Variants in POLA1 observed in about 807,000 individuals in gnomAD.
The protein encoded by POLA1 is DNA polymerase alpha catalytic subunit.
POLA1 carries 15 observed loss-of-function variants against 124.0 expected under a neutral mutation model. That is an observed-to-expected ratio of 0.12 (90% confidence interval 0.08 to 0.19). The LOEUF (loss-of-function observed/expected upper bound fraction) is 0.19. Among genes scored for constraint, POLA1 ranks in the 10% least tolerant of loss-of-function variants. The pLI, the probability that POLA1 is intolerant of heterozygous loss-of-function variation, is 1.00. For missense variants in POLA1, 886 were observed against 1,103.4 expected, an observed-to-expected ratio of 0.80 and a Z score of 2.79; for synonymous variants, 408 against 389.4, an observed-to-expected ratio of 1.05 and a Z score of -0.56.
At chrX:24,971,554 T>C (rs1368998824) in intron 36 of POLA1, among the ~76,000 whole-genome samples, 1 of 112,064 alleles carries the variant, frequency 8.9e-6, no homozygotes, top group Non-Finnish European at 1.9e-5. Flanking sequence ...TTAAGAGTTA[T>C]TTGCCTCACA....
chrX:24,721,143 G>A lies in POLA1; in HGVS notation c.1088-2012G>A, dbSNP rs11573333. Among the ~76,000 whole-genome samples the A allele has an allele frequency of 4.3e-4, 49 of 113,105 alleles. No individual in the cohort carries two copies. The South Asian group carries it at 0.017, about 39-fold the overall frequency. On this transcript the variant is annotated intron_variant, in intron 10 of 36. Transcript: ENST00000379068. Reference sequence around the variant, plus strand: ...TTCAACCAATATTGGAAAATATTTTGCAATTGAAAGAGATACTAATTTGTT... The same window carrying A: ...TTCAACCAATATTGGAAAATATTTTACAATTGAAAGAGATACTAATTTGTT...
chrX:24,981,326 A>C (rs1377689768), intron 36 of POLA1, among the ~76,000 whole-genome samples: 2 of 112,055 alleles, frequency 1.8e-5, no homozygotes, highest in Non-Finnish European at 3.8e-5. Context: ...CAAAGTCAGG[A>C]AGGGATCCCA....
chrX:24,837,636 T>C (rs1284306468), intron 32 of POLA1, among the ~76,000 whole-genome samples: 3 of 111,962 alleles, frequency 2.7e-5, no homozygotes, highest in Non-Finnish European at 5.6e-5. Flanking sequence ...TCGCATATTG[T>C]CCTCTAAGAT....
Position 24,714,568 on chromosome X carries a change from G to A in POLA1, c.361G>A (p.Ala121Thr), listed in dbSNP as rs141903278. ...DADEKGKDGK[A>T]RNKDKRNVKK... ...TATTCCAATAGGAAAAGATGGTAAA[G>A]CACGCAATAAAGACAAGAGGAATGT... The change falls in exon 5 of 37, where the codon GCA becomes ACA. Residue 121 changes from alanine to threonine, a missense_variant. Around this residue, in one of 7 missense-constraint regions of POLA1, gnomAD observed 337 missense variants for 402.8 expected, o/e 0.84. Transcript: ENST00000379068. 34 of 1,178,029 alleles carry A rather than the reference G, an allele frequency of 2.9e-5. No homozygotes were observed. The highest frequency in any genetic ancestry group is 1.1e-4 in the Admixed American group (5 of 44,473).
chrX:24,857,061 C>A (rs748250660), intron 34 of POLA1, among the ~76,000 whole-genome samples: 81 of 111,660 alleles, frequency 7.3e-4, no homozygotes, highest in Non-Finnish European at 1.1e-3. Context: ...ACTAAGAACT[C>A]AAATATTATC....
intron 35 of POLA1, among the ~76,000 whole-genome samples, chrX:24,909,712 A>C (rs1395989885): frequency 9.0e-6 from 1 of 111,492 alleles, no homozygotes; most frequent in Non-Finnish European, 1.9e-5. Context: ...TTGACTTGGC[A>C]GTGCAGGCTC....
At chrX:24,883,143 T>C (rs958553805) in intron 34 of POLA1, among the ~76,000 whole-genome samples, 1 of 112,341 alleles carries the variant, frequency 8.9e-6, no homozygotes, top group Non-Finnish European at 1.9e-5. Context: ...TGCTTATATG[T>C]CTTTTGAGAA....
At chrX:24,803,998 C>A (rs1489264537) in intron 26 of POLA1, among the ~76,000 whole-genome samples, 1 of 90,381 alleles carries the variant, frequency 1.1e-5, no homozygotes, top group East Asian at 3.7e-4. Context: ...CTTTGCAAAG[C>A]ACTTTTTAAG....
chrX:24,885,391 C>G (rs1292387784), intron 34 of POLA1, among the ~76,000 whole-genome samples: 1 of 111,871 alleles, frequency 8.9e-6, no homozygotes, highest in African/African-American at 3.2e-5. Context: ...TTCAAGAAAA[C>G]AACTAGTCTT....
intron 35 of POLA1, among the ~76,000 whole-genome samples, chrX:24,921,659 C>A (rs375991909): frequency 8.9e-6 from 1 of 112,131 alleles, no homozygotes; most frequent in Non-Finnish European, 1.9e-5. Flanking sequence ...ACTTACCCTA[C>A]GTTTCCATAT....
intron 35 of POLA1, among the ~76,000 whole-genome samples, chrX:24,923,348 G>A (rs985403297): frequency 3.6e-5 from 4 of 111,660 alleles, no homozygotes; most frequent in Non-Finnish European, 7.5e-5. Flanking sequence ...ATAATAATTA[G>A]GTTTTAATTA....
intron 28 of POLA1, among the ~76,000 whole-genome samples, chrX:24,811,265 T>G (rs1425806808): frequency 9.6e-6 from 1 of 103,696 alleles, no homozygotes; most frequent in African/African-American, 3.6e-5. Flanking sequence ...TTTTTTTTCG[T>G]CTTGTTTTGT....
intron 36 of POLA1, among the ~76,000 whole-genome samples, chrX:24,975,448 C>G (rs1156943964): frequency 2.9e-5 from 3 of 102,416 alleles, no homozygotes; most frequent in Non-Finnish European, 6.0e-5. Context: ...ATAGCTATAT[C>G]TTTCAAAACA....
intron 34 of POLA1, among the ~76,000 whole-genome samples, chrX:24,873,965 A>C (rs1181648410): frequency 8.9e-6 from 1 of 111,814 alleles, no homozygotes; most frequent in Non-Finnish European, 1.9e-5. Flanking sequence ...GTCTAGCCAT[A>C]TTTCAAGTGC....
At chrX:24,975,651 T>C (rs1474775104) in intron 36 of POLA1, among the ~76,000 whole-genome samples, 3 of 112,157 alleles carry the variant, frequency 2.7e-5, no homozygotes, top group Non-Finnish European at 5.6e-5. Context: ...AAGCCAGTAA[T>C]GTCTTCGTAT....
chrX:24,860,499 C>T (rs1202841320), intron 34 of POLA1, among the ~76,000 whole-genome samples: 1 of 112,831 alleles, frequency 8.9e-6, no homozygotes, highest in Admixed American at 9.3e-5. Context: ...TTCAGGGAAC[C>T]TGTCCCCTTT....
chrX:24,694,035 G>A (rs758222986), intron 1 of POLA1, 31 bp downstream of exon 1: 31 of 1,142,498 alleles, frequency 2.7e-5, no homozygotes, highest in Middle Eastern at 2.4e-4. Flanking sequence ...CGGGGCTCCG[G>A]GTTGGGACAG....
rs779279752 is a variant in POLA1 at position 24,874,596 on chromosome X, CAA to C, written c.4048-13409_4048-13408del. On this transcript the variant is annotated intron_variant, in intron 34 of 36. Coordinates refer to ENST00000379068, the MANE Select transcript of POLA1 (RefSeq NM_001330360.2). ...ATAATCACCGGTAGTTCTTTTTGAA[CAA>C]GAGAGAGAATGAGAATAATAAGGTT... 4.0e-3 allele frequency among the ~76,000 whole-genome samples: 451 copies of C among 111,940 alleles called. 6 individuals are homozygous for C. The highest frequency in any genetic ancestry group is 4.1e-3 in the Non-Finnish European group (216 of 53,163).
intron 34 of POLA1, among the ~76,000 whole-genome samples, chrX:24,864,169 A>T (rs954415600): frequency 3.6e-5 from 4 of 109,732 alleles, no homozygotes; most frequent in Non-Finnish European, 7.6e-5. Flanking sequence ...TTTAGTAGAG[A>T]TGGGGTTTTG....
Sources: allele counts gnomAD v4.1 joint callset (sites outside exome capture counted in the v4.1 genomes callset), GRCh38; gene constraint gnomAD v4.1.1; regional missense constraint gnomAD v4.1.1; transcripts MANE v1.5; gene names NCBI Gene and HGNC (gene_info 2026-07-23, HGNC 2026-07-21).